SEPTIN9: variants seen among roughly 807,000 people sequenced by gnomAD.
SEPTIN9 encodes septin-9.
In SEPTIN9, 13 loss-of-function variants were observed where a neutral mutation model predicts 56.6. That is an observed-to-expected ratio of 0.23 (90% CI 0.15 to 0.37). The LOEUF is 0.37. Among genes scored for constraint, SEPTIN9 ranks in the 10% least tolerant of loss-of-function variants. The pLI is 1.00. For missense variants in SEPTIN9, 650 were observed against 823.1 expected (o/e 0.79, Z 2.57); for synonymous variants, 332 against 334.1 (o/e 0.99, Z 0.07).
chr17:77,303,962 G>A (rs2143578994), intron 1 of SEPTIN9, among the ~76,000 whole-genome samples: 1 of 152,176 alleles, frequency 6.6e-6, no homozygotes, highest in East Asian at 1.9e-4. Context: ...CTTTCATCTG[G>A]GATGACTCCA....
At chr17:77,377,164 T>A (rs2034959690) in intron 2 of SEPTIN9, 1 of 152,142 alleles carries the variant, frequency 6.6e-6, no homozygotes, top group African/African-American at 2.4e-5. Flanking sequence ...GAGAATGTTT[T>A]GTATTTGGCT....
chr17:77,345,931 GTTGTT>G (rs10535531), intron 2 of SEPTIN9, among the ~76,000 whole-genome samples: 112,043 of 148,908 alleles, frequency 0.75, 42,333 homozygotes, highest in East Asian at 0.94. Flanking sequence ...TGTTTTTTTT[GTTGTT>G]TTGTTTTGTT....
At chr17:77,486,487 G>GGGGTGT (rs1555679076) in intron 4 of SEPTIN9, among the ~76,000 whole-genome samples, 12 of 143,644 alleles carry the variant, frequency 8.4e-5, no homozygotes, top group African/African-American at 2.4e-4. Context: ...AGTCTGGAGG[G>GGGGTGT]GTGTGTGTGT....
intron 1 of SEPTIN9, among the ~76,000 whole-genome samples, chr17:77,290,116 G>T (rs368878493): frequency 1.3e-5 from 2 of 152,092 alleles, no homozygotes; most frequent in Admixed American, 1.3e-4. Flanking sequence ...TGGTGTGGAC[G>T]CTCCTCCTTG....
chr17:77,428,006 T>C (rs1414755116), intron 3 of SEPTIN9, among the ~76,000 whole-genome samples: 1 of 152,242 alleles, frequency 6.6e-6, no homozygotes, highest in Non-Finnish European at 1.5e-5. Context: ...AGTGCCATCC[T>C]TGCACCACGT....
Position 77,340,326 on chromosome 17 carries a change from A to G in SEPTIN9, c.76+33129A>G, listed in dbSNP as rs2033688018. Among the ~76,000 whole-genome samples the G allele has an allele frequency of 2.7e-5, 4 of 146,702 alleles. 1 individual carries two copies. In the South Asian group the frequency reaches 8.6e-4, roughly 32 times the overall value. On this transcript the variant is annotated intron_variant, in intron 2 of 11. Transcript: ENST00000427177. ...TGAATAATTTTTGTATTTTTAGTAG[A>G]GATGCGGTTTCACCATGTTGGCCAG...
rs1031138110 is a variant in SEPTIN9 at position 77,434,061 on chromosome 17, A to G, written c.721+31358A>G. Among the ~76,000 whole-genome samples the G allele has an allele frequency of 5.3e-5, 8 of 151,972 alleles. No homozygotes were observed. Among genetic ancestry groups the G allele is most frequent in the Non-Finnish European group, 1.2e-4 (8 of 67,990 alleles). ...TGCAGCTGTTCTGTGCGTTTTTCAC[A>G]TTTCTCACTTCTCAAAGGCCCTGGG... is the stretch of plus-strand genomic sequence containing the variant. On this transcript the variant is annotated intron_variant, in intron 3 of 11. Coordinates refer to ENST00000427177, the MANE Select transcript of SEPTIN9 (RefSeq NM_001113491.2). The surrounding 1 kb of genome is among the most constrained non-coding windows in gnomAD (Gnocchi z 5.0).
rs1568108345 is a variant in SEPTIN9 at position 77,482,332 on chromosome 17, G to A, written c.910G>A (p.Val304Ile). 6.2e-7 allele frequency: 1 copy of A among 1,611,848 alleles called. No homozygotes were observed. The highest frequency in any genetic ancestry group is 8.5e-7 in the Non-Finnish European group (1 of 1,179,824). ...KQGFEFNIMV[V>I]GQSGLGKSTL... Reference sequence around the variant, plus strand: ...GGGCTTCGAGTTCAACATCATGGTGGTCGGTGAGTCCTCACCTTGCATGCC... The same window carrying A: ...GGGCTTCGAGTTCAACATCATGGTGATCGGTGAGTCCTCACCTTGCATGCC... The change falls in exon 4 of 12, where the codon GTC becomes ATC. Residue 304 changes from valine to isoleucine, a missense_variant. Val to Ile is a conservative substitution (Grantham distance 29, BLOSUM62 3). This residue lies in a region of SEPTIN9 where 333 missense variants were observed against 494.0 expected (regional missense o/e 0.67). Coordinates refer to ENST00000427177, the MANE Select transcript of SEPTIN9 (RefSeq NM_001113491.2).
Position 77,499,676 on chromosome 17 carries a change from C to T in SEPTIN9, c.*1018C>T. ...TGTGTCCATGTGTATGCGTGTCCGT[C>T]TGTCTGTCTAGTGTCTGGGTTTGGC... On this transcript the variant is annotated 3_prime_UTR_variant, in exon 12 of 12. Transcript: ENST00000427177. 4.8e-6 allele frequency: 2 copies of T among 414,186 alleles called. No individual in the cohort carries two copies. The highest frequency in any genetic ancestry group is 4.6e-5 in the South Asian group (2 of 43,712). The allele number at this position is 414,186 out of a possible 1,614,324, so 25.7% of individuals were successfully genotyped here.
intron 2 of SEPTIN9, among the ~76,000 whole-genome samples, chr17:77,362,821 G>A (rs922904530): frequency 1.3e-5 from 2 of 152,256 alleles, no homozygotes; most frequent in Non-Finnish European, 1.5e-5. Context: ...GTCCAGAGGA[G>A]AATCCCTTCA....
At chr17:77,408,184 C>T (rs2036160189) in intron 3 of SEPTIN9, among the ~76,000 whole-genome samples, 1 of 152,226 alleles carries the variant, frequency 6.6e-6, no homozygotes, top group Admixed American at 6.5e-5. Context: ...TGGTTCTGAA[C>T]TATCATTCCA....
Position 77,445,478 on chromosome 17 carries a change from C to T in SEPTIN9, c.722-36666C>T, listed in dbSNP as rs994807584. 2.2e-6 allele frequency: 1 copy of T among 464,680 alleles called. No individual in the cohort carries two copies. Among genetic ancestry groups the T allele is most frequent in the African/African-American group, 2.0e-5 (1 of 50,142 alleles). The allele number at this position is 464,680 out of a possible 1,614,324, so 28.8% of individuals were successfully genotyped here. On this transcript the variant is annotated intron_variant, in intron 3 of 11. Transcript: ENST00000427177. The surrounding 1 kb of genome is among the most constrained non-coding windows in gnomAD (Gnocchi z 4.7). ...TGGTGGCCGAGGAGCTTGGCAGGAG[C>T]AGAGTGCAGGACCTGGGAACTGGGG...
At chr17:77,488,161 C>A in intron 5 of SEPTIN9, 79 bp from the exon 6 acceptor site, 1 of 1,372,650 alleles carries the variant, frequency 7.3e-7, no homozygotes, top group Non-Finnish European at 1.0e-6. Context: ...CCTGGGGTTG[C>A]CCCGGGGTCA....
At chr17:77,362,121 C>T (rs1448063074) in intron 2 of SEPTIN9, among the ~76,000 whole-genome samples, 4 of 152,246 alleles carry the variant, frequency 2.6e-5, no homozygotes, top group Admixed American at 6.5e-5. Flanking sequence ...ATCGATGCCC[C>T]GTATCGGAGG....
Position 77,487,386 on chromosome 17 carries a change from C to A in SEPTIN9, c.914-38C>A. ...CATGTGCAGACCCTGCTGGTCTCTC[C>A]GGAGAGACCCCTGACCGGCCTCCCA... On this transcript the variant is annotated intron_variant, in intron 4 of 11. Transcript: ENST00000427177. This position sits in a 1 kb window ranked among gnomAD's most constrained non-coding sequence, Gnocchi z 4.3. 1.9e-6 allele frequency: 3 copies of A among 1,569,906 alleles called. No individual in the cohort carries two copies. The highest frequency in any genetic ancestry group is 1.7e-6 in the Non-Finnish European group (2 of 1,158,696).
At position 77,402,157 on chromosome 17, in the gene SEPTIN9, T is replaced by C. The variant is rs1034935011; in HGVS notation, c.175T>C (p.Ser59Pro). The change falls in exon 3 of 12, where the codon TCC becomes CCC. Residue 59 changes from serine (S) to proline (P), a missense_variant. By Grantham distance (74) the Ser-to-Pro change is moderately conservative (BLOSUM62 -1). This residue lies in a region of SEPTIN9 where 317 missense variants were observed against 329.1 expected (regional missense o/e 0.96). Coordinates refer to ENST00000427177, the MANE Select transcript of SEPTIN9 (RefSeq NM_001113491.2). The surrounding 1 kb of genome is among the most constrained non-coding windows in gnomAD (Gnocchi z 6.6). ...TPLLRATVAS[S>P]TQKFQDLGVK... ...CCTACTCCGAGCCACTGTGGCCAGC[T>C]CCACCCAGAAATTCCAGGACCTGGG... is the stretch of plus-strand genomic sequence containing the variant. 2 of 1,613,672 alleles carry C rather than the reference T, an allele frequency of 1.2e-6. No homozygotes were observed. The highest frequency in any genetic ancestry group is 2.7e-5 in the African/African-American group (2 of 74,968).
At position 77,317,230 on chromosome 17, in the gene SEPTIN9, G is replaced by A. The variant is rs962029584; in HGVS notation, c.76+10033G>A. The stretch of plus-strand genomic sequence containing the variant: ...TCACAGCTCTGCAGGCCACACATCC[G>A]AGATCAGGGTCACCAGGCTGAAATC... On this transcript the variant is annotated intron_variant, in intron 2 of 11. Coordinates refer to ENST00000427177, the MANE Select transcript of SEPTIN9 (RefSeq NM_001113491.2). This position sits in a 1 kb window ranked among gnomAD's most constrained non-coding sequence, Gnocchi z 4.2. 1.3e-5 allele frequency among the ~76,000 whole-genome samples: 2 copies of A among 152,296 alleles called. No individual in the cohort carries two copies. Among genetic ancestry groups the A allele is most frequent in the Non-Finnish European group, 2.9e-5 (2 of 68,028 alleles).
chr17:77,441,715 T>C (rs1472217683), intron 3 of SEPTIN9, among the ~76,000 whole-genome samples: 2 of 152,204 alleles, frequency 1.3e-5, no homozygotes, highest in African/African-American at 2.4e-5. Context: ...TTTTTAAAAA[T>C]GTTTACTCCC....
chr17:77,445,517 T>C lies in SEPTIN9; in HGVS notation c.722-36627T>C. ...TGGGAACTGGGGGTTGGTGCATGTG[T>C]GCACGCACGTGTGTGTGTGTGTGCG... On this transcript the variant is annotated intron_variant, in intron 3 of 11. Coordinates refer to ENST00000427177, the MANE Select transcript of SEPTIN9 (RefSeq NM_001113491.2). The surrounding 1 kb of genome is among the most constrained non-coding windows in gnomAD (Gnocchi z 4.7). The C allele has an allele frequency of 2.3e-6, 1 of 427,014 alleles. No individual in the cohort carries two copies. Among genetic ancestry groups the C allele is most frequent in the Non-Finnish European group, 4.9e-6 (1 of 203,534 alleles). 26.5% of individuals were successfully genotyped at this position (427,014 alleles called of 1,614,324 possible).
Sources: allele counts gnomAD v4.1 joint callset (sites outside exome capture counted in the v4.1 genomes callset), GRCh38; gene constraint gnomAD v4.1.1; regional missense constraint gnomAD v4.1.1; non-coding constraint Gnocchi (gnomAD v3.1); transcripts MANE v1.5; gene names NCBI Gene and HGNC (gene_info 2026-07-23, HGNC 2026-07-21).